Variants in TMPRSS3 observed in about 807,000 individuals in gnomAD.
TMPRSS3 encodes the protein transmembrane serine protease 3, also known as transmembrane protease serine 3.
In TMPRSS3, 55 loss-of-function variants were observed where a neutral mutation model predicts 59.6. The observed-to-expected ratio is 0.92, with a 90% CI of 0.74 to 1.16. TMPRSS3 has a LOEUF of 1.16. Among genes scored for constraint, TMPRSS3 ranks in the 50% most tolerant of loss-of-function variants. The probability of loss-of-function intolerance (pLI) is 0.00; values close to 1 mark genes in which losing one functional copy is unlikely to be tolerated. For synonymous variants in TMPRSS3, 257 were observed against 237.7 expected (o/e 1.08, Z -0.75); for missense variants, 596 against 579.4 (o/e 1.03, Z -0.29).
chr21:42,382,134 T>C lies in TMPRSS3; in HGVS notation c.883A>G (p.Lys295Glu), dbSNP rs762736510. 3.7e-6 allele frequency: 6 copies of C among 1,614,080 alleles called. No individual in the cohort carries two copies. The highest frequency in any genetic ancestry group is 5.1e-6 in the Non-Finnish European group (6 of 1,180,032). The change falls in exon 9 of 13, where the codon AAG (lysine) becomes GAG (glutamate). Residue 295 changes from lysine to glutamate, a missense_variant. Coordinates refer to ENST00000644384, the MANE Select transcript of TMPRSS3 (RefSeq NM_001256317.3). ...TTGCCCAGCCTCTTTGGCTTGTACT[T>C]GCTGTGGTAGACAATCTTCTCCACC... ...HLVEKIVYHSKYKPKRLGNDI... is the reference protein window; with the variant it reads ...HLVEKIVYHSEYKPKRLGNDI...
chr21:42,372,965 C>T (rs1408866309), intron 12 of TMPRSS3, among the ~76,000 whole-genome samples, 186 bp from the exon 13 acceptor site: 1 of 152,170 alleles, frequency 6.6e-6, no homozygotes, highest in Non-Finnish European at 1.5e-5. Context: ...ATGAAAAGCT[C>T]CAACCAGCAA....
At chr21:42,378,706 A>AG (rs2052470493) in intron 10 of TMPRSS3, among the ~76,000 whole-genome samples, 1 of 151,698 alleles carries the variant, frequency 6.6e-6, no homozygotes, top group African/African-American at 2.4e-5. Context: ...ATAAATCTCC[A>AG]CTTTTTTTTT....
At chr21:42,395,285 T>A in intron 2 of TMPRSS3, 39 bp downstream of exon 2, 2 of 1,548,560 alleles carry the variant, frequency 1.3e-6, no homozygotes, top group Non-Finnish European at 1.8e-6. Flanking sequence ...CATGAGGGTA[T>A]GGGCAGAAAT....
chr21:42,383,080 A>C lies in TMPRSS3; in HGVS notation c.735T>G (p.Ser245=), dbSNP rs2052561472. ...TGATGATCCACAGGGGCGTGATGAC[A>C]GAGCCCCCGCACAGGTGGTAGCCCT... ...QFQGYHLCGG[S]VITPLWIITA... is the part of the protein sequence containing the mutation. The change falls in exon 8 of 13, where the codon TCT becomes TCG. Residue 245 remains serine (S), a synonymous_variant. Transcript: ENST00000644384. The C allele has an allele frequency of 6.2e-7, 1 of 1,614,080 alleles. No individual in the cohort carries two copies.
intron 9 of TMPRSS3, among the ~76,000 whole-genome samples, chr21:42,380,857 C>A (rs2052516245): frequency 6.6e-6 from 1 of 152,230 alleles, no homozygotes; most frequent in African/African-American, 2.4e-5. Context: ...CTGTGCAGAA[C>A]AGTAATGGAG....
rs374775170 is a variant in TMPRSS3 at position 42,375,759 on chromosome 21, G to A, written c.1301C>T (p.Thr434Ile). The change falls in exon 12 of 13, where the codon ACC becomes ATC. Residue 434 changes from threonine (T) to isoleucine (I), a missense_variant. Physicochemically the swap from Thr to Ile is moderately conservative, Grantham distance 89 (BLOSUM62 -1). Transcript: ENST00000644384. ...CCAGTCCAGGAAGGAGGTGACACGG[G>A]TGTACACCCCAGGCTTGTTCACCTC... ...CAEVNKPGVYTRVTSFLDWIH... is the reference protein window; with the variant it reads ...CAEVNKPGVYIRVTSFLDWIH... The A allele has an allele frequency of 2.5e-6, 4 of 1,613,680 alleles. No homozygotes were observed. Among genetic ancestry groups the A allele is most frequent in the African/African-American group, 2.7e-5 (2 of 74,900 alleles).
Position 42,380,217 on chromosome 21 carries a change from T to C in TMPRSS3, c.953-5A>G. On this transcript the variant is annotated splice_region_variant and splice_polypyrimidine_tract_variant and intron_variant, in intron 9 of 12. Coordinates refer to ENST00000644384, the MANE Select transcript of TMPRSS3 (RefSeq NM_001256317.3). ...GGCACACAGGCTGGATCATTTCTGCTTGAAGGGAAACAATAGTTCACAACT... is the reference window on the plus strand; with the variant it reads ...GGCACACAGGCTGGATCATTTCTGCCTGAAGGGAAACAATAGTTCACAACT... 1.2e-6 allele frequency: 2 copies of C among 1,611,208 alleles called. No homozygotes were observed. Among genetic ancestry groups the C allele is most frequent in the Non-Finnish European group, 8.5e-7 (1 of 1,177,514 alleles).
chr21:42,375,439 G>T (rs569413827), intron 12 of TMPRSS3, among the ~76,000 whole-genome samples: 4 of 148,658 alleles, frequency 2.7e-5, no homozygotes, highest in Non-Finnish European at 5.9e-5. Flanking sequence ...GCTCCTCCTC[G>T]CTGCCTCCTC....
At chr21:42,373,659 C>G (rs1192962828) in intron 12 of TMPRSS3, among the ~76,000 whole-genome samples, 1 of 152,220 alleles carries the variant, frequency 6.6e-6, no homozygotes, top group Non-Finnish European at 1.5e-5. Context: ...TCTGTTGATT[C>G]TGCTGTGCAG....
intron 12 of TMPRSS3, among the ~76,000 whole-genome samples, chr21:42,373,004 C>T (rs577174888): frequency 3.9e-5 from 6 of 152,284 alleles, no homozygotes; most frequent in Admixed American, 3.3e-4. Context: ...CTCCGCCCTG[C>T]GACAGTTCCG....
chr21:42,387,874 A>G (rs1449159954), intron 5 of TMPRSS3, among the ~76,000 whole-genome samples: 3 of 152,250 alleles, frequency 2.0e-5, no homozygotes, highest in Non-Finnish European at 4.4e-5. Context: ...GGCAACACAA[A>G]CACTAAAAAG....
intron 2 of TMPRSS3, among the ~76,000 whole-genome samples, chr21:42,390,724 G>A (rs556547342): frequency 3.7e-4 from 57 of 152,164 alleles, no homozygotes; most frequent in African/African-American, 1.1e-3. Context: ...GCAAAACTCC[G>A]TCTCCAAAAC....
chr21:42,382,764 G>A, intron 8 of TMPRSS3: 3 of 541,138 alleles, frequency 5.5e-6, no homozygotes, highest in Non-Finnish European at 1.0e-5. Context: ...ATTTTTGTGG[G>A]TTTCCTCCAG....
At chr21:42,375,525 C>G (rs534356629) in intron 12 of TMPRSS3, among the ~76,000 whole-genome samples, 191 bp downstream of exon 12, 101 of 152,236 alleles carry the variant, frequency 6.6e-4, no homozygotes, top group African/African-American at 2.3e-3. Flanking sequence ...CCACCCAGAG[C>G]TGCCCAGGAC....
chr21:42,388,320 T>C lies in TMPRSS3; in HGVS notation c.446+83A>G. 2 of 1,588,420 alleles carry C rather than the reference T, an allele frequency of 1.3e-6. No individual in the cohort carries two copies. The stretch of plus-strand genomic sequence containing the variant: ...CTGAGAGCGTTAAAGCACCCAATAG[T>C]GCCCAACTAAATGGTAGTTGTCTTT... On this transcript the variant is annotated intron_variant, in intron 5 of 12. Transcript: ENST00000644384. The surrounding 1 kb of genome is among the most constrained non-coding windows in gnomAD (Gnocchi z 5.1).
In TMPRSS3 at chr21:42,395,313, G is replaced by A. The variant is rs752688764; in HGVS notation, c.94+11C>T. On this transcript the variant is annotated intron_variant, in intron 2 of 12. Coordinates refer to ENST00000644384, the MANE Select transcript of TMPRSS3 (RefSeq NM_001256317.3). ...GCAGAAATCACAGAGTCCTCACCTG[G>A]GTCCACTTACCTGGTGCAACAGGAC... The A allele has an allele frequency of 2.2e-5, 35 of 1,611,152 alleles. No homozygotes were observed. The highest frequency in any genetic ancestry group is 2.9e-5 in the Non-Finnish European group (34 of 1,177,976).
In TMPRSS3 at chr21:42,383,195, C is replaced by T; in HGVS notation, c.620G>A (p.Cys207Tyr). ...TGAGCTGTAGCCCCTTCTATGACCA[C>T]AGGCTATGGAGGGGAACAAAGGCTT... ...GHVVTLQCTA[C>Y]GHRRGYSSRI... Residue 207 changes from cysteine (C) to tyrosine (Y), a missense_variant, in exon 8 of 13, where the codon TGT becomes TAT. Transcript: ENST00000644384. 1 of 1,611,648 alleles carries T rather than the reference C, an allele frequency of 6.2e-7. No homozygotes were observed. The highest frequency in any genetic ancestry group is 8.5e-7 in the Non-Finnish European group (1 of 1,179,580).
At chr21:42,387,794 G>A (rs905016530) in intron 5 of TMPRSS3, among the ~76,000 whole-genome samples, 1 of 152,310 alleles carries the variant, frequency 6.6e-6, no homozygotes, top group Non-Finnish European at 1.5e-5. Context: ...TCAGAAGGAA[G>A]GGGCCAGGGG....
intron 3 of TMPRSS3, chr21:42,389,288 G>A (rs2052694076): frequency 3.8e-6 from 1 of 265,928 alleles, no homozygotes. Context: ...AGTGCAAGGT[G>A]AATTTAGACT....
Sources: allele counts gnomAD v4.1 joint callset (sites outside exome capture counted in the v4.1 genomes callset), GRCh38; gene constraint gnomAD v4.1.1; non-coding constraint Gnocchi (gnomAD v3.1); transcripts MANE v1.5; gene names NCBI Gene and HGNC (gene_info 2026-07-23, HGNC 2026-07-21).